FHAD1: variants seen among roughly 807,000 people sequenced by gnomAD.
FHAD1 encodes the protein forkhead-associated domain-containing protein 1.
FHAD1 carries 146 observed loss-of-function variants against 191.3 expected under a neutral mutation model. That is an observed-to-expected ratio of 0.76 (90% CI 0.67 to 0.88). The LOEUF (loss-of-function observed/expected upper bound fraction) is 0.88, where lower values mean the gene tolerates loss of function less well. Among genes scored for constraint, FHAD1 ranks in the 40% least tolerant of loss-of-function variants. The pLI is 0.00. For synonymous variants in FHAD1, 616 were observed against 672.3 expected (o/e 0.92, Z 1.29); for missense variants, 1,635 against 1,785.8 (o/e 0.92, Z 1.52).
chr1:15,349,195 C>G (rs1472267948), intron 19 of FHAD1, 46 bp downstream of exon 19: 1 of 1,393,974 alleles, frequency 7.2e-7, no homozygotes, highest in African/African-American at 1.4e-5. Flanking sequence ...AACTACAAAG[C>G]CAGATCCCTG....
intron 20 of FHAD1, among the ~76,000 whole-genome samples, chr1:15,357,049 G>A (rs1233783544): frequency 6.6e-6 from 1 of 152,080 alleles, no homozygotes; most frequent in East Asian, 1.9e-4. Context: ...CCCACCCTGT[G>A]CATCAGTCTT....
downstream of FHAD1, among the ~76,000 whole-genome samples, chr1:15,399,223 CTT>C (rs1187717143): frequency 1.3e-5 from 2 of 152,162 alleles, no homozygotes; most frequent in Non-Finnish European, 2.9e-5. Context: ...AGGACAAACT[CTT>C]TGTGTGATAT....
In FHAD1 at chr1:15,308,198, C is replaced by T. The variant is rs372455303; in HGVS notation, c.916-415C>T. 1.5e-4 allele frequency among the ~76,000 whole-genome samples: 23 copies of T among 152,204 alleles called. No individual in the cohort carries two copies. In the South Asian group the frequency reaches 4.6e-3, roughly 30 times the overall value. ...TTCTAGAGTGTTCTGTGAGATATAA[C>T]CTATTGTTATCATTTGAGGGAATTA... On this transcript the variant is annotated intron_variant, in intron 6 of 33. Transcript: ENST00000688493.
chr1:15,274,347 C>T (rs923443790), intron 3 of FHAD1, among the ~76,000 whole-genome samples: 2 of 152,156 alleles, frequency 1.3e-5, no homozygotes, highest in African/African-American at 4.8e-5. Context: ...GTGGCTCACA[C>T]CTGTAATCCC....
chr1:15,391,325 G>A, intron 33 of FHAD1, 62 bp downstream of exon 33: 3 of 1,158,978 alleles, frequency 2.6e-6, no homozygotes, highest in Non-Finnish European at 3.4e-6. Context: ...GTTTTGTTTT[G>A]TTTTGCTTGA....
chr1:15,270,808 G>A (rs1655577694), intron 2 of FHAD1, among the ~76,000 whole-genome samples: 1 of 150,110 alleles, frequency 6.7e-6, no homozygotes, highest in African/African-American at 2.4e-5. Context: ...TTAGGAGGCT[G>A]GGGCGTGCGG....
At chr1:15,250,686 A>G (rs1352663702) in intron 1 of FHAD1, among the ~76,000 whole-genome samples, 1 of 152,212 alleles carries the variant, frequency 6.6e-6, no homozygotes, top group African/African-American at 2.4e-5. Flanking sequence ...CTCTTTAAGA[A>G]ACTCCAAAAG....
chr1:15,328,057 A>G (rs1392635579), intron 12 of FHAD1: 6 of 336,000 alleles, frequency 1.8e-5, no homozygotes, highest in African/African-American at 2.1e-5. Flanking sequence ...AGAAAAGAAA[A>G]AAGAAAAGAG....
intron 4 of FHAD1, among the ~76,000 whole-genome samples, chr1:15,292,685 C>A (rs1490147579): frequency 6.6e-6 from 1 of 152,150 alleles, no homozygotes; most frequent in Non-Finnish European, 1.5e-5. Flanking sequence ...ACAAGCAACA[C>A]CAGAGGAAAG....
At chr1:15,310,433 C>T (rs1040510540) in intron 7 of FHAD1, among the ~76,000 whole-genome samples, 3 of 152,158 alleles carry the variant, frequency 2.0e-5, no homozygotes, top group African/African-American at 7.2e-5. Context: ...TCTCGCTGGG[C>T]CCTGCCCTCC....
At chr1:15,301,105 C>A in intron 5 of FHAD1, 100 bp from the exon 6 acceptor site, 2 of 998,692 alleles carry the variant, frequency 2.0e-6, no homozygotes, top group Non-Finnish European at 2.9e-6. Flanking sequence ...GCTAGGATTA[C>A]AGGCGTGAGC....
intron 5 of FHAD1, among the ~76,000 whole-genome samples, chr1:15,299,376 C>T (rs1668026830): frequency 6.6e-6 from 1 of 152,176 alleles, no homozygotes; most frequent in South Asian, 2.1e-4. Context: ...CATAGTTTTG[C>T]TTTTGCAGCA....
At chr1:15,241,511 A>G (rs1247667358) in intron 1 of FHAD1, among the ~76,000 whole-genome samples, 1 of 152,020 alleles carries the variant, frequency 6.6e-6, no homozygotes, top group Non-Finnish European at 1.5e-5. Flanking sequence ...TTAGCTGGGC[A>G]TGGTAGCAGG....
chr1:15,349,544 A>G (rs1690095572), intron 19 of FHAD1, among the ~76,000 whole-genome samples: 1 of 152,216 alleles, frequency 6.6e-6, no homozygotes, highest in African/African-American at 2.4e-5. Flanking sequence ...CTCACAGTAG[A>G]GCGGCATGTG....
intron 2 of FHAD1, among the ~76,000 whole-genome samples, chr1:15,258,368 C>T (rs1366980476): frequency 6.6e-6 from 1 of 152,182 alleles, no homozygotes; most frequent in Non-Finnish European, 1.5e-5. Context: ...TCTTTTGTGA[C>T]TGGCTTATTT....
At position 15,341,740 on chromosome 1, in the gene FHAD1, A is replaced by G; in HGVS notation, c.1982A>G (p.Lys661Arg). The G allele has an allele frequency of 6.5e-7, 1 of 1,549,566 alleles. No homozygotes were observed. Among genetic ancestry groups the G allele is most frequent in the Non-Finnish European group, 8.7e-7 (1 of 1,146,008 alleles). ...TTTACTTTTCTCACATTTCAGATCAAGTTCAACAGTTCTCAGGAAACTCAG... is the reference window on the plus strand; with the variant it reads ...TTTACTTTTCTCACATTTCAGATCAGGTTCAACAGTTCTCAGGAAACTCAG... ...LMSQAQELQI[K>R]FNSSQETQQS... The change falls in exon 16 of 34, where the codon AAG (lysine) becomes AGG (arginine). Residue 661 changes from lysine (K) to arginine (R), a missense_variant. Coordinates refer to ENST00000688493, the MANE Select transcript of FHAD1 (RefSeq NM_001391957.1).
At position 15,381,543 on chromosome 1, in the gene FHAD1, C is replaced by A; in HGVS notation, c.4022+92C>A. The A allele has an allele frequency of 1.0e-6, 1 of 985,724 alleles. No homozygotes were observed. The highest frequency in any genetic ancestry group is 1.5e-6 in the Non-Finnish European group (1 of 654,266). The allele number at this position is 985,724 out of a possible 1,614,324, so 61.1% of individuals were successfully genotyped here. On this transcript the variant is annotated intron_variant, in intron 30 of 33. Coordinates refer to ENST00000688493, the MANE Select transcript of FHAD1 (RefSeq NM_001391957.1). This position sits in a 1 kb window ranked among gnomAD's most constrained non-coding sequence, Gnocchi z 4.6. ...TAGCAGCAGACCTCTAGGCCTGGGA[C>A]AGGAGGACAGAGACCCACGTGTGGA...
At chr1:15,374,170 G>A (rs1428468244) in intron 26 of FHAD1, among the ~76,000 whole-genome samples, 1 of 152,140 alleles carries the variant, frequency 6.6e-6, no homozygotes, top group African/African-American at 2.4e-5. Context: ...GAGTAGAATT[G>A]GCTGTGATTG....
chr1:15,291,508 C>T (rs190302839), intron 4 of FHAD1, among the ~76,000 whole-genome samples: 79 of 152,278 alleles, frequency 5.2e-4, no homozygotes, highest in Admixed American at 1.3e-3. Flanking sequence ...AAACATTTAG[C>T]ACGTATACCA....
Sources: allele counts gnomAD v4.1 joint callset (sites outside exome capture counted in the v4.1 genomes callset), GRCh38; gene constraint gnomAD v4.1.1; non-coding constraint Gnocchi (gnomAD v3.1); transcripts MANE v1.5; gene names NCBI Gene and HGNC (gene_info 2026-07-23, HGNC 2026-07-21).